C12orf42: variants seen among roughly 807,000 people sequenced by gnomAD.
C12orf42 encodes the protein uncharacterized protein C12orf42.
In C12orf42, 25 loss-of-function variants were observed where a neutral mutation model predicts 21.6. That is an observed-to-expected ratio of 1.16 (90% confidence interval 0.84 to 1.62). The LOEUF (loss-of-function observed/expected upper bound fraction) is 1.62, where lower values mean the gene tolerates loss of function less well. C12orf42 is among the 40% of genes most tolerant of loss of function. The pLI is 0.00. For missense variants in C12orf42, 483 were observed against 459.3 expected (o/e 1.05, Z -0.47); for synonymous variants, 174 against 175.0 (o/e 0.99, Z 0.05).
At chr12:103,143,968 G>T in the C12orf42 span, among the ~76,000 whole-genome samples, 1 of 151,970 alleles carries the variant, frequency 6.6e-6, no homozygotes, top group South Asian at 2.1e-4. Context: ...ATTATCACAG[G>T]GTTATTTATG....
chr12:103,185,341 A>G, the C12orf42 span, among the ~76,000 whole-genome samples: 1 of 152,282 alleles, frequency 6.6e-6, no homozygotes, highest in South Asian at 2.1e-4. Context: ...AGTCACAGGT[A>G]CTTCAGGTAG....
At chr12:103,214,748 A>G in the C12orf42 span, among the ~76,000 whole-genome samples, 1 of 152,174 alleles carries the variant, frequency 6.6e-6, no homozygotes, top group South Asian at 2.1e-4. Flanking sequence ...ATTTTCTCCA[A>G]CTTAGCGGGA....
At chr12:103,405,386 T>C (rs2138785506) in intron 2 of C12orf42, among the ~76,000 whole-genome samples, 1 of 152,276 alleles carries the variant, frequency 6.6e-6, no homozygotes, top group African/African-American at 2.4e-5. Context: ...AGACATGCTG[T>C]TTTTGTTTAT....
At chr12:103,474,843 A>T (rs560510339) in intron 2 of C12orf42, among the ~76,000 whole-genome samples, 1 of 152,234 alleles carries the variant, frequency 6.6e-6, no homozygotes, top group Non-Finnish European at 1.5e-5. Flanking sequence ...CTGTGGGAGA[A>T]GGAAAGGTAG....
chr12:103,468,957 T>G (rs1445177152), intron 2 of C12orf42, among the ~76,000 whole-genome samples: 1 of 152,202 alleles, frequency 6.6e-6, no homozygotes, highest in East Asian at 1.9e-4. Context: ...CTAATAGCCT[T>G]GTAGATTTGA....
At chr12:103,201,653 G>A in the C12orf42 span, among the ~76,000 whole-genome samples, 6 of 152,124 alleles carry the variant, frequency 3.9e-5, no homozygotes, top group Admixed American at 2.6e-4. Flanking sequence ...GATCAGCTTC[G>A]ATAATTGCTC....
At chr12:103,130,277 A>G in the C12orf42 span, among the ~76,000 whole-genome samples, 1 of 151,438 alleles carries the variant, frequency 6.6e-6, no homozygotes, top group South Asian at 2.1e-4. Flanking sequence ...GAGGTCATAT[A>G]GCTATAGGTA....
At chr12:103,160,948 C>T in the C12orf42 span, among the ~76,000 whole-genome samples, 3 of 152,258 alleles carry the variant, frequency 2.0e-5, no homozygotes, top group South Asian at 2.1e-4. Flanking sequence ...TCCTCAGCTG[C>T]GGAAAGGTAG....
intron 5 of C12orf42, chr12:103,273,694 A>G (rs2035595071): frequency 2.6e-6 from 1 of 381,438 alleles, no homozygotes; most frequent in South Asian, 2.0e-5. Context: ...ATATAGTACA[A>G]TTAAATTACT....
the C12orf42 span, among the ~76,000 whole-genome samples, chr12:103,157,686 T>C: frequency 5.6e-4 from 86 of 152,320 alleles, no homozygotes; most frequent in African/African-American, 1.9e-3. Context: ...TTTCTGCATA[T>C]GGCTAGCCAG....
intron 4 of C12orf42, among the ~76,000 whole-genome samples, chr12:103,343,489 C>T (rs191486847): frequency 6.6e-6 from 1 of 152,114 alleles, no homozygotes; most frequent in Admixed American, 6.5e-5. Context: ...CAAAAAAACA[C>T]TTTCTGAGGC....
intron 4 of C12orf42, among the ~76,000 whole-genome samples, chr12:103,334,814 A>C (rs2041548434): frequency 6.6e-6 from 1 of 152,220 alleles, no homozygotes; most frequent in Non-Finnish European, 1.5e-5. Context: ...GCGAATAATT[A>C]GTTTTTCGAC....
chr12:103,425,620 A>C (rs1168520485), intron 2 of C12orf42, among the ~76,000 whole-genome samples: 1 of 152,208 alleles, frequency 6.6e-6, no homozygotes, highest in Non-Finnish European at 1.5e-5. Flanking sequence ...GAAAAATAAC[A>C]AACAGAAAGG....
At chr12:103,285,641 T>C (rs766721337) in intron 4 of C12orf42, among the ~76,000 whole-genome samples, 4 of 152,190 alleles carry the variant, frequency 2.6e-5, no homozygotes, top group African/African-American at 9.6e-5. Flanking sequence ...TTCTAACACA[T>C]CACTGGGAAG....
chr12:103,560,265 G>C, the C12orf42 span, among the ~76,000 whole-genome samples: 2 of 35,310 alleles, frequency 5.7e-5, no homozygotes, highest in Non-Finnish European at 1.5e-4. Flanking sequence ...AATGCTTGTG[G>C]AACAGAACCT....
intron 2 of C12orf42, among the ~76,000 whole-genome samples, chr12:103,466,346 C>G (rs972250279): frequency 2.0e-5 from 3 of 152,194 alleles, no homozygotes; most frequent in Middle Eastern, 3.4e-3. Context: ...TTTCCCAAAA[C>G]TTGGTGCTCA....
the C12orf42 span, among the ~76,000 whole-genome samples, chr12:103,532,321 A>G: frequency 6.6e-6 from 1 of 152,222 alleles, no homozygotes; most frequent in African/African-American, 2.4e-5. Flanking sequence ...CGTTTATAAC[A>G]TACAAAGTAG....
At chr12:103,351,992 A>T (rs1352511873) in intron 4 of C12orf42, among the ~76,000 whole-genome samples, 3 of 151,258 alleles carry the variant, frequency 2.0e-5, no homozygotes, top group Non-Finnish European at 3.0e-5. Context: ...ATACACAGAA[A>T]CTGTCCCTCC....
the C12orf42 span, among the ~76,000 whole-genome samples, chr12:103,197,874 G>A: frequency 6.6e-6 from 1 of 152,166 alleles, no homozygotes; most frequent in Non-Finnish European, 1.5e-5. Context: ...TAATTGTAGG[G>A]GGCTGGGACC....
Sources: allele counts gnomAD v4.1 joint callset (sites outside exome capture counted in the v4.1 genomes callset), GRCh38; gene constraint gnomAD v4.1.1; transcripts MANE v1.5; gene names NCBI Gene and HGNC (gene_info 2026-07-23, HGNC 2026-07-21).